Variants in CMC2 observed in about 807,000 individuals in gnomAD.
CMC2 encodes the protein COX assembly mitochondrial protein 2 homolog.
A neutral mutation model predicts 7.5 loss-of-function variants in CMC2; 5 were observed. The ratio of observed to expected loss-of-function variants is 0.66; its 90% confidence interval spans 0.35 to 1.40. The LOEUF is 1.40. Among genes scored for constraint, CMC2 ranks in the 40% most tolerant of loss-of-function variants. The pLI is 0.04. For missense variants in CMC2, 115 were observed against 92.3 expected, an observed-to-expected ratio of 1.25 and a Z score of -1.01; for synonymous variants, 37 against 31.4, an observed-to-expected ratio of 1.18 and a Z score of -0.60.
chr16:81,000,180 T>G (rs1968749239), intron 1 of CMC2, among the ~76,000 whole-genome samples: 1 of 151,856 alleles, frequency 6.6e-6, no homozygotes, highest in South Asian at 2.1e-4. Context: ...ATTCAACAAG[T>G]AAAAAATAAA....
rs141572999 is a variant in CMC2, at chr16:80,976,204, G to A, written c.154-25C>T. 3.8e-5 allele frequency: 47 copies of A among 1,246,014 alleles called. No homozygotes were observed. In the African/African-American group the frequency reaches 7.2e-4, roughly 19 times the overall value. 77.2% of individuals were successfully genotyped at this position (1,246,014 alleles called of 1,614,324 possible). ...ACTGAAAAATAAAAGAAGGGGGGGA[G>A]AAAAGAAACAGCAGATTATGTCACT... On this transcript the variant is annotated intron_variant, in intron 3 of 3. Coordinates refer to ENST00000219400, the MANE Select transcript of CMC2 (RefSeq NM_020188.5).
chr16:80,992,554 T>C (rs1157168494), intron 2 of CMC2, among the ~76,000 whole-genome samples: 1 of 152,214 alleles, frequency 6.6e-6, no homozygotes, highest in African/African-American at 2.4e-5. Flanking sequence ...AGATAAGTAA[T>C]GGTATGTTCA....
chr16:80,981,881 A>G lies in CMC2; in HGVS notation c.82-4T>C. The G allele has an allele frequency of 6.3e-7, 1 of 1,585,402 alleles. No individual in the cohort carries two copies. The highest frequency in any genetic ancestry group is 1.1e-5 in the South Asian group (1 of 89,370). ...CAAAAAATTTCAGAATGTTGTGCTA[A>G]AAGGAAGAAAAGGAGTAAAATATTT... On this transcript the variant is annotated splice_region_variant and splice_polypyrimidine_tract_variant and intron_variant, in intron 2 of 3. Transcript: ENST00000219400.
Position 80,973,359 on chromosome 16 carries a change from T to C in CMC2, c.*2734A>G, listed in dbSNP as rs890936229. The C allele has an allele frequency of 1.3e-5, 2 of 152,120 alleles. No homozygotes were observed. Among genetic ancestry groups the C allele is most frequent in the Admixed American group, 6.5e-5 (1 of 15,272 alleles). The allele number at this position is 152,120 out of a possible 1,614,324, so 9.4% of individuals were successfully genotyped here. On this transcript the variant is annotated 3_prime_UTR_variant, in exon 4 of 4. Coordinates refer to ENST00000219400, the MANE Select transcript of CMC2 (RefSeq NM_020188.5). ...TTCTACCAAACTACGGAGGAAGTGTTTCCAATACCCCAATTTGGGTGCACT... is the reference window on the plus strand; with the variant it reads ...TTCTACCAAACTACGGAGGAAGTGTCTCCAATACCCCAATTTGGGTGCACT...
chr16:80,981,583 A>G (rs1484467290), intron 3 of CMC2, among the ~76,000 whole-genome samples: 1 of 152,234 alleles, frequency 6.6e-6, no homozygotes, highest in Non-Finnish European at 1.5e-5. Context: ...ATCATAAGGA[A>G]GTTGTTTTCC....
intron 1 of CMC2, among the ~76,000 whole-genome samples, chr16:81,003,824 C>A (rs1453718498): frequency 2.0e-5 from 3 of 152,192 alleles, no homozygotes; most frequent in Non-Finnish European, 2.9e-5. Context: ...GTCAGCTACT[C>A]ACAAGTTACA....
intron 1 of CMC2, 42 bp downstream of exon 1, chr16:81,006,692 C>G: frequency 1.0e-6 from 1 of 985,042 alleles, no homozygotes; most frequent in Non-Finnish European, 1.2e-6. Context: ...TGAGGAGGAA[C>G]AACGGAACGC....
chr16:81,005,862 T>A (rs1045511355), intron 1 of CMC2, among the ~76,000 whole-genome samples: 1 of 152,204 alleles, frequency 6.6e-6, no homozygotes, highest in Non-Finnish European at 1.5e-5. Flanking sequence ...ACGCACAGGC[T>A]CGTGAGGGAG....
intron 1 of CMC2, among the ~76,000 whole-genome samples, chr16:81,005,529 T>C (rs1969223611): frequency 6.6e-6 from 1 of 152,102 alleles, no homozygotes; most frequent in East Asian, 1.9e-4. Flanking sequence ...TGAGCCATAC[T>C]GCAGCAGAGG....
intron 1 of CMC2, among the ~76,000 whole-genome samples, chr16:81,004,191 C>G (rs1017528454): frequency 5.9e-5 from 9 of 151,810 alleles, no homozygotes; most frequent in Admixed American, 2.0e-4. Flanking sequence ...CACCTGCACT[C>G]TAGCCTGGTC....
Position 81,004,164 on chromosome 16 carries a change from G to T in CMC2, c.-36+2570C>A, listed in dbSNP as rs1006155750. On this transcript the variant is annotated intron_variant, in intron 1 of 3. Transcript: ENST00000219400. The stretch of plus-strand genomic sequence containing the variant: ...TTCAGCCCTGGAGGCAGAGGTTGCA[G>T]TGAGCTGAGATGGCACCACCTGCAC... Among the ~76,000 whole-genome samples the T allele has an allele frequency of 2.6e-5, 4 of 152,232 alleles. No homozygotes were observed. In the East Asian group the frequency reaches 7.7e-4, roughly 29 times the overall value.
At chr16:80,995,264 CAATGAACTACTACTCAGAAATAAAAATA>C (rs151248039) in intron 2 of CMC2, among the ~76,000 whole-genome samples, 75,134 of 151,590 alleles carry the variant, frequency 0.5, 22,390 homozygotes, top group South Asian at 0.71. Flanking sequence ...CATATCCATA[CAATGAACTACTACTCAGAAATAAAAATA>C]AATGAACTAA....
chr16:80,976,202 G>C (rs765409124), intron 3 of CMC2, 23 bp from the exon 4 acceptor site: 1 of 1,351,456 alleles, frequency 7.4e-7, no homozygotes, highest in Admixed American at 1.9e-5. Context: ...AGAAGGGGGG[G>C]AGAAAAGAAA....
Position 80,969,534 on chromosome 16 carries a change from C to G in CMC2, c.*6559G>C, listed in dbSNP as rs1911775144. ...TAGGGTTCCCTCCCAGGACAAGACT[C>G]CAAAGTGAGGAGGAACTGCAGGGAG... On this transcript the variant is annotated 3_prime_UTR_variant, in exon 4 of 4. Coordinates refer to ENST00000219400, the MANE Select transcript of CMC2 (RefSeq NM_020188.5). The G allele has an allele frequency of 6.6e-6, 1 of 151,626 alleles. No individual in the cohort carries two copies. The highest frequency in any genetic ancestry group is 2.4e-5 in the African/African-American group (1 of 41,004). The allele number at this position is 151,626 out of a possible 1,614,324, so 9.4% of individuals were successfully genotyped here.
intron 2 of CMC2, among the ~76,000 whole-genome samples, chr16:80,993,520 A>C (rs1244036921): frequency 1.3e-5 from 2 of 152,188 alleles, no homozygotes; most frequent in Admixed American, 6.5e-5. Context: ...GTATTGGGTG[A>C]CTTTCACAAT....
chr16:80,977,685 TAAG>T (rs1042517939), intron 3 of CMC2, among the ~76,000 whole-genome samples: 1 of 152,234 alleles, frequency 6.6e-6, no homozygotes, highest in African/African-American at 2.4e-5. Flanking sequence ...AGATAATCTT[TAAG>T]AAGTTTTCTA....
intron 1 of CMC2, chr16:80,997,687 G>T: frequency 4.3e-6 from 1 of 235,260 alleles, no homozygotes; most frequent in South Asian, 1.5e-4. Context: ...ACCCAATCCC[G>T]GAAATAAGCA....
chr16:81,005,786 G>A (rs949688777), intron 1 of CMC2, among the ~76,000 whole-genome samples: 1 of 152,156 alleles, frequency 6.6e-6, no homozygotes, highest in Admixed American at 6.5e-5. Context: ...GACTTACAAG[G>A]TGCCTAGCAC....
chr16:80,975,359 AT>A lies in CMC2; in HGVS notation c.*733del, dbSNP rs1912202564. The A allele has an allele frequency of 6.6e-6, 1 of 152,292 alleles. No individual in the cohort carries two copies. Among genetic ancestry groups the A allele is most frequent in the South Asian group, 2.1e-4 (1 of 4,836 alleles). 9.4% of individuals were successfully genotyped at this position (152,292 alleles called of 1,614,324 possible). A position where few individuals can be genotyped will look rare whatever the true frequency, so the allele number is the denominator to read the frequency against. On this transcript the variant is annotated 3_prime_UTR_variant, in exon 4 of 4. Coordinates refer to ENST00000219400, the MANE Select transcript of CMC2 (RefSeq NM_020188.5). ...CTGGGCACAGTGGCTCACGCTTGTA[AT>A]CCCAACACTTTGGGAGGCTGAAGTG...
Sources: allele counts gnomAD v4.1 joint callset (sites outside exome capture counted in the v4.1 genomes callset), GRCh38; gene constraint gnomAD v4.1.1; transcripts MANE v1.5; gene names NCBI Gene and HGNC (gene_info 2026-07-23, HGNC 2026-07-21).